The following ASIC2 variants were observed in gnomAD, a reference collection of about 807,000 sequenced individuals.
The protein encoded by ASIC2 is acid sensing ion channel subunit 2, also known as acid-sensing ion channel 2.
Under a neutral mutation model 57.3 loss-of-function variants are expected in ASIC2, and 25 were observed. The ratio of observed to expected loss-of-function variants is 0.44; its 90% CI spans 0.32 to 0.61. The LOEUF is 0.61. Ranked by LOEUF, ASIC2 falls within the 20% of genes least tolerant of loss-of-function variation. The probability of loss-of-function intolerance (pLI) is 0.06; values close to 1 mark genes in which losing one functional copy is unlikely to be tolerated. For synonymous variants in ASIC2, 319 were observed against 307.5 expected (o/e 1.04, Z -0.39); for missense variants, 641 against 738.1 (o/e 0.87, Z 1.52).
intron 1 of ASIC2, among the ~76,000 whole-genome samples, chr17:33,787,305 C>T (rs1238386753): frequency 6.6e-6 from 1 of 152,204 alleles, no homozygotes; most frequent in Non-Finnish European, 1.5e-5. Flanking sequence ...AAAGTGGTAT[C>T]TGTGGCTGTA....
intron 1 of ASIC2, among the ~76,000 whole-genome samples, chr17:33,680,079 G>A (rs1194008218): frequency 6.6e-6 from 1 of 152,162 alleles, no homozygotes; most frequent in Non-Finnish European, 1.5e-5. Flanking sequence ...GAAATGGAGG[G>A]AGGCTGGTGG....
At chr17:33,646,579 G>A (rs191897337) in intron 1 of ASIC2, among the ~76,000 whole-genome samples, 6 of 152,266 alleles carry the variant, frequency 3.9e-5, no homozygotes, top group African/African-American at 9.6e-5. Context: ...TCTGTATTTT[G>A]TATAGAACAG....
intron 1 of ASIC2, among the ~76,000 whole-genome samples, chr17:34,129,704 T>A (rs974396163): frequency 6.6e-6 from 1 of 152,224 alleles, no homozygotes; most frequent in Non-Finnish European, 1.5e-5. Flanking sequence ...TTCACCAAGA[T>A]CTTTCTCAAG....
At chr17:34,071,632 C>T (rs1272946874) in intron 1 of ASIC2, 2 of 152,154 alleles carry the variant, frequency 1.3e-5, no homozygotes, top group African/African-American at 4.8e-5. Flanking sequence ...GAGTTCGAGA[C>T]CAGCCTGGCC....
chr17:33,050,089 C>T (rs1312495491), intron 3 of ASIC2, among the ~76,000 whole-genome samples: 2 of 152,176 alleles, frequency 1.3e-5, no homozygotes, highest in African/African-American at 4.8e-5. Context: ...AGGAAGACCT[C>T]AACGGAAGAC....
At chr17:33,579,214 A>C (rs975074508) in intron 1 of ASIC2, among the ~76,000 whole-genome samples, 1 of 149,062 alleles carries the variant, frequency 6.7e-6, no homozygotes, top group African/African-American at 2.5e-5. Flanking sequence ...TGAACCCGGG[A>C]GGCAGAGGTT....
Position 33,848,170 on chromosome 17 carries a change from G to A in ASIC2, c.555+307808C>T, listed in dbSNP as rs537992192. Among the ~76,000 whole-genome samples the A allele has an allele frequency of 3.2e-4, 49 of 152,252 alleles. No individual in the cohort carries two copies. In the South Asian group the frequency reaches 9.8e-3, roughly 30 times the overall value. ...CAAGGCAACCAGAAGGGCAGCCCTAGATCAAAGCAGAAGGCACTGCAGCCT... is the reference window on the plus strand; with the variant it reads ...CAAGGCAACCAGAAGGGCAGCCCTAAATCAAAGCAGAAGGCACTGCAGCCT... On this transcript the variant is annotated intron_variant, in intron 1 of 9. Coordinates refer to the ASIC2 transcript ENST00000359872.
At chr17:33,694,478 G>A (rs1354944860) in intron 1 of ASIC2, among the ~76,000 whole-genome samples, 1 of 152,114 alleles carries the variant, frequency 6.6e-6, no homozygotes, top group Non-Finnish European at 1.5e-5. Flanking sequence ...TTGCCTCAGT[G>A]TTTTTATTCA....
At chr17:34,082,761 T>C (rs1909938646) in intron 1 of ASIC2, among the ~76,000 whole-genome samples, 1 of 152,244 alleles carries the variant, frequency 6.6e-6, no homozygotes, top group South Asian at 2.1e-4. Context: ...TCATTACTGC[T>C]ACCACTTTTA....
intron 1 of ASIC2, among the ~76,000 whole-genome samples, chr17:33,851,790 C>T (rs1353277798): frequency 6.6e-6 from 1 of 152,170 alleles, no homozygotes; most frequent in Non-Finnish European, 1.5e-5. Flanking sequence ...CATAATCACC[C>T]ATAGTTGGGA....
chr17:33,021,397 G>A (rs1196647990), intron 6 of ASIC2, 87 bp from the exon 7 acceptor site: 40 of 1,103,550 alleles, frequency 3.6e-5, no homozygotes, highest in Non-Finnish European at 5.2e-5. Context: ...ATGGAAAGAT[G>A]GAGAAAAGGA....
chr17:33,043,147 G>C (rs550868831), intron 3 of ASIC2, among the ~76,000 whole-genome samples: 2 of 152,120 alleles, frequency 1.3e-5, no homozygotes, highest in East Asian at 1.9e-4. Flanking sequence ...GAATGGCCTC[G>C]ATCTCCTGAC....
At chr17:34,059,812 C>T (rs548462602) in intron 1 of ASIC2, among the ~76,000 whole-genome samples, 12 of 152,254 alleles carry the variant, frequency 7.9e-5, no homozygotes, top group South Asian at 2.1e-4. Context: ...GAATCTCACC[C>T]GCATCCCCCA....
intron 1 of ASIC2, among the ~76,000 whole-genome samples, chr17:33,603,136 C>T (rs1454219420): frequency 6.6e-6 from 1 of 152,242 alleles, no homozygotes; most frequent in African/African-American, 2.4e-5. Flanking sequence ...GATGAAGTCA[C>T]TGTTGTTATT....
chr17:33,195,484 A>G (rs1906586489), intron 1 of ASIC2, among the ~76,000 whole-genome samples: 1 of 152,226 alleles, frequency 6.6e-6, no homozygotes, highest in South Asian at 2.1e-4. Flanking sequence ...AATGAGGATC[A>G]TGATAGTGAT....
At chr17:34,012,070 T>G (rs1906787175) in intron 1 of ASIC2, among the ~76,000 whole-genome samples, 1 of 152,292 alleles carries the variant, frequency 6.6e-6, no homozygotes, top group South Asian at 2.1e-4. Context: ...CTTATTTTGG[T>G]TATTTGCAAC....
intron 3 of ASIC2, among the ~76,000 whole-genome samples, chr17:33,073,007 T>C (rs1296507834): frequency 1.3e-5 from 2 of 152,188 alleles, no homozygotes; most frequent in South Asian, 4.1e-4. Context: ...ACCATTGCCA[T>C]GGTGTGTGGA....
At chr17:33,202,886 G>A (rs889256441) in intron 1 of ASIC2, among the ~76,000 whole-genome samples, 1 of 152,094 alleles carries the variant, frequency 6.6e-6, no homozygotes, top group Non-Finnish European at 1.5e-5. Context: ...GATAGGCTCT[G>A]TCTTTGTTTT....
chr17:34,134,851 G>A (rs1379681750), intron 1 of ASIC2, among the ~76,000 whole-genome samples: 1 of 152,146 alleles, frequency 6.6e-6, no homozygotes, highest in Non-Finnish European at 1.5e-5. Context: ...CTGAATCCTG[G>A]GGCCACCCCC....
Sources: allele counts gnomAD v4.1 joint callset (sites outside exome capture counted in the v4.1 genomes callset), GRCh38; gene constraint gnomAD v4.1.1; transcripts MANE v1.5; gene names NCBI Gene and HGNC (gene_info 2026-07-23, HGNC 2026-07-21).